SLC5A4: variants seen among roughly 807,000 people sequenced by gnomAD.
SLC5A4 encodes probable glucose sensor protein SLC5A4.
In SLC5A4, 55 loss-of-function variants were observed where a neutral mutation model predicts 70.3. That is an observed-to-expected ratio of 0.78 (90% CI 0.63 to 0.98). The LOEUF is 0.98. SLC5A4 is among the 50% of genes least tolerant of loss of function. The probability of loss-of-function intolerance (pLI) is 0.00; values close to 1 mark genes in which losing one functional copy is unlikely to be tolerated. For missense variants in SLC5A4, 735 were observed against 839.2 expected, an observed-to-expected ratio of 0.88 and a Z score of 1.53; for synonymous variants, 268 against 305.7, an observed-to-expected ratio of 0.88 and a Z score of 1.29.
At chr22:32,251,991 A>G in intron 2 of SLC5A4, 117 bp from the exon 3 acceptor site, 1 of 685,916 alleles carries the variant, frequency 1.5e-6, no homozygotes, top group Non-Finnish European at 2.6e-6. Context: ...GCACTTTGGG[A>G]GGCTGAGGCG....
the SLC5A4 span, among the ~76,000 whole-genome samples, chr22:32,315,189 A>G: frequency 3.3e-5 from 5 of 152,220 alleles, no homozygotes; most frequent in Non-Finnish European, 7.3e-5. Flanking sequence ...GAGCACTGCC[A>G]AGAGTGCCAG....
At chr22:32,291,793 C>A in the SLC5A4 span, among the ~76,000 whole-genome samples, 71,951 of 149,112 alleles carry the variant, frequency 0.48, 17,452 homozygotes, top group Admixed American at 0.52. Flanking sequence ...CTTGTTTTCC[C>A]AATGTATGGA....
chr22:32,238,917 G>T, intron 6 of SLC5A4, 68 bp downstream of exon 6: 2 of 1,032,992 alleles, frequency 1.9e-6, no homozygotes, highest in Non-Finnish European at 3.1e-6. Context: ...CACTGAGAAT[G>T]CTAATTGCAG....
chr22:32,229,415 A>G, intron 10 of SLC5A4, 71 bp from the exon 11 acceptor site: 1 of 1,514,826 alleles, frequency 6.6e-7, no homozygotes, highest in Non-Finnish European at 9.0e-7. Context: ...AGAGGGTTGA[A>G]AGGTTAAAAG....
chr22:32,263,526 G>A, the SLC5A4 span, among the ~76,000 whole-genome samples: 22 of 152,222 alleles, frequency 1.4e-4, no homozygotes, highest in Admixed American at 3.9e-4. Context: ...TTAGAATGGC[G>A]ATCATTAAAA....
At chr22:32,346,956 C>T in the SLC5A4 span, among the ~76,000 whole-genome samples, 1 of 151,912 alleles carries the variant, frequency 6.6e-6, no homozygotes, top group Non-Finnish European at 1.5e-5. Flanking sequence ...ACCTACTCAT[C>T]TGACAAAGGG....
the SLC5A4 span, among the ~76,000 whole-genome samples, chr22:32,318,779 A>C: frequency 6.6e-6 from 1 of 152,160 alleles, no homozygotes; most frequent in African/African-American, 2.4e-5. Flanking sequence ...TCCCAGATTC[A>C]CTAAGAGTAG....
chr22:32,268,756 T>G, the SLC5A4 span, among the ~76,000 whole-genome samples: 1 of 152,172 alleles, frequency 6.6e-6, no homozygotes, highest in Non-Finnish European at 1.5e-5. Flanking sequence ...GGTAATGTAA[T>G]AGTTAGGTCG....
intron 1 of SLC5A4, among the ~76,000 whole-genome samples, chr22:32,254,740 C>A (rs901651274): frequency 6.6e-6 from 1 of 151,626 alleles, no homozygotes; most frequent in African/African-American, 2.4e-5. Flanking sequence ...GGAGGCGGAG[C>A]TTGCAGTGAG....
At chr22:32,299,436 G>A in the SLC5A4 span, among the ~76,000 whole-genome samples, 2 of 106,720 alleles carry the variant, frequency 1.9e-5, 1 homozygote, top group Non-Finnish European at 4.0e-5. Context: ...CTTTCTTCCA[G>A]TTGATCGCAT....
the SLC5A4 span, among the ~76,000 whole-genome samples, chr22:32,317,339 A>G: frequency 6.6e-6 from 1 of 151,946 alleles, no homozygotes; most frequent in Non-Finnish European, 1.5e-5. Context: ...GCCCAACTCA[A>G]AAAGAAAAGA....
the SLC5A4 span, among the ~76,000 whole-genome samples, chr22:32,353,180 G>C: frequency 6.6e-6 from 1 of 152,172 alleles, no homozygotes; most frequent in Non-Finnish European, 1.5e-5. Flanking sequence ...GTGGGGACTG[G>C]AGACACCACA....
chr22:32,322,404 G>A, the SLC5A4 span, among the ~76,000 whole-genome samples: 1 of 152,060 alleles, frequency 6.6e-6, no homozygotes, highest in Non-Finnish European at 1.5e-5. Context: ...CTCAAACATG[G>A]TGAAACCCCA....
At chr22:32,332,448 G>T in the SLC5A4 span, among the ~76,000 whole-genome samples, 1 of 152,180 alleles carries the variant, frequency 6.6e-6, no homozygotes, top group Non-Finnish European at 1.5e-5. Flanking sequence ...ACTCCGACAG[G>T]CTCATTCCTT....
chr22:32,280,727 A>G, the SLC5A4 span, among the ~76,000 whole-genome samples: 1 of 152,232 alleles, frequency 6.6e-6, no homozygotes, highest in East Asian at 1.9e-4. Flanking sequence ...GAACTTTCTA[A>G]CATTCTGAAC....
the SLC5A4 span, among the ~76,000 whole-genome samples, chr22:32,280,679 C>T: frequency 6.6e-6 from 1 of 152,182 alleles, no homozygotes; most frequent in South Asian, 2.1e-4. Flanking sequence ...CTGCTCAACA[C>T]ATTACAGGAA....
the SLC5A4 span, among the ~76,000 whole-genome samples, chr22:32,287,365 T>G: frequency 6.6e-6 from 1 of 152,322 alleles, no homozygotes; most frequent in South Asian, 2.1e-4. Context: ...AGAAGCTTAA[T>G]GAAGAAACCT....
chr22:32,294,734 T>C, the SLC5A4 span, among the ~76,000 whole-genome samples: 1 of 145,206 alleles, frequency 6.9e-6, no homozygotes, highest in Non-Finnish European at 1.5e-5. Context: ...TACATATGTA[T>C]ACATGTGCCA....
chr22:32,306,193 C>T, the SLC5A4 span, among the ~76,000 whole-genome samples: 5 of 152,170 alleles, frequency 3.3e-5, no homozygotes, highest in Admixed American at 6.5e-5. Flanking sequence ...AGGCCGGGCG[C>T]GGTGGCTCAC....
Sources: gnomAD v4.1 joint callset for allele counts (sites outside exome capture counted in the v4.1 genomes callset) on GRCh38, gnomAD v4.1.1 for gene constraint, MANE v1.5 for transcripts, NCBI Gene and HGNC (gene_info 2026-07-23, HGNC 2026-07-21) for gene names.